Variants in MANEA observed in about 807,000 individuals in gnomAD.
The protein encoded by MANEA is glycoprotein endo-alpha-1,2-mannosidase.
Under a neutral mutation model 36.8 loss-of-function variants are expected in MANEA, and 25 were observed. That is an observed-to-expected ratio of 0.68 (90% confidence interval 0.50 to 0.95). The LOEUF is 0.95. Among genes scored for constraint, MANEA ranks in the 40% least tolerant of loss-of-function variants. The pLI is 0.00. For missense variants in MANEA, 565 were observed against 558.8 expected, an observed-to-expected ratio of 1.01 and a Z score of -0.11; for synonymous variants, 198 against 188.5, an observed-to-expected ratio of 1.05 and a Z score of -0.41.
rs746149549 is a variant in MANEA at position 95,604,872 on chromosome 6, A to G, written c.700A>G (p.Met234Val). The change falls in exon 4 of 5, where the codon ATG becomes GTG. Residue 234 changes from methionine (M) to valine (V), a missense_variant. By Grantham distance (21) the Met-to-Val change is conservative. Coordinates refer to ENST00000358812, the MANE Select transcript of MANEA (RefSeq NM_024641.4). ...ATATAGCAATCGAGATGATCAAAAC[A>G]TGTACAAAAATGTCAAGTATATTAT... is the stretch of plus-strand genomic sequence containing the variant. Reference protein sequence around the residue: ...EPYSNRDDQNMYKNVKYIIDK... With the variant: ...EPYSNRDDQNVYKNVKYIIDK... 6.8e-7 allele frequency: 1 copy of G among 1,473,060 alleles called. No individual in the cohort carries two copies. Among genetic ancestry groups the G allele is most frequent in the Non-Finnish European group, 9.2e-7 (1 of 1,087,610 alleles). 91.2% of individuals were successfully genotyped at this position (1,473,060 alleles called of 1,614,324 possible).
At chr6:95,604,945 G>A (rs1769671459) in intron 4 of MANEA, 42 bp downstream of exon 4, 1 of 701,682 alleles carries the variant, frequency 1.4e-6, no homozygotes, top group Non-Finnish European at 2.2e-6. Flanking sequence ...ATATTATCCA[G>A]TGATAATTAT....
At chr6:95,601,042 A>G (rs1385518183) in intron 3 of MANEA, among the ~76,000 whole-genome samples, 1 of 152,188 alleles carries the variant, frequency 6.6e-6, no homozygotes, top group East Asian at 1.9e-4. Context: ...AAATGTGACT[A>G]GGTTTTTTTT....
chr6:95,583,375 T>C (rs941370942), intron 1 of MANEA, among the ~76,000 whole-genome samples: 1 of 152,088 alleles, frequency 6.6e-6, no homozygotes, highest in Non-Finnish European at 1.5e-5. Flanking sequence ...CATGTATCCA[T>C]ATATAACATA....
At chr6:95,585,110 G>A (rs951259532) in intron 1 of MANEA, among the ~76,000 whole-genome samples, 1 of 148,312 alleles carries the variant, frequency 6.7e-6, no homozygotes, top group Non-Finnish European at 1.5e-5. Context: ...TTCATATGGT[G>A]TATATGTACC....
chr6:95,602,433 G>A (rs1769611009), intron 3 of MANEA, among the ~76,000 whole-genome samples: 1 of 152,080 alleles, frequency 6.6e-6, no homozygotes, highest in African/African-American at 2.4e-5. Flanking sequence ...AGGGGTGAAG[G>A]TAGAGAATAG....
chr6:95,589,563 A>G (rs1321703839), intron 2 of MANEA, among the ~76,000 whole-genome samples: 3 of 152,144 alleles, frequency 2.0e-5, no homozygotes, highest in Non-Finnish European at 4.4e-5. Flanking sequence ...TCCAATTATT[A>G]TATATAATGT....
At chr6:95,601,286 A>G (rs966253900) in intron 3 of MANEA, among the ~76,000 whole-genome samples, 2 of 152,192 alleles carry the variant, frequency 1.3e-5, no homozygotes, top group African/African-American at 4.8e-5. Context: ...TGAGTAAGAC[A>G]TGACAGAAAT....
intron 4 of MANEA, among the ~76,000 whole-genome samples, 163 bp from the exon 5 acceptor site, chr6:95,605,585 T>A (rs2127946061): frequency 6.6e-6 from 1 of 152,288 alleles, no homozygotes; most frequent in African/African-American, 2.4e-5. Flanking sequence ...TGTGTAAAAT[T>A]AAAAATGCAT....
At chr6:95,604,398 A>G (rs950063921) in intron 3 of MANEA, among the ~76,000 whole-genome samples, 4 of 151,934 alleles carry the variant, frequency 2.6e-5, no homozygotes, top group Non-Finnish European at 4.4e-5. Context: ...TTTCCTATAT[A>G]TATTATATGG....
intron 4 of MANEA, 42 bp downstream of exon 4, chr6:95,604,945 G>C: frequency 5.7e-6 from 4 of 701,676 alleles, no homozygotes; most frequent in Non-Finnish European, 9.0e-6. Flanking sequence ...ATATTATCCA[G>C]TGATAATTAT....
chr6:95,596,955 A>G, intron 3 of MANEA, 109 bp downstream of exon 3: 1 of 498,294 alleles, frequency 2.0e-6, no homozygotes, highest in Middle Eastern at 5.4e-4. Flanking sequence ...AATGACTTAG[A>G]ATCTTTTAAA....
chr6:95,578,269 T>C (rs1367541492), intron 1 of MANEA, among the ~76,000 whole-genome samples: 1 of 149,302 alleles, frequency 6.7e-6, no homozygotes, highest in Non-Finnish European at 1.5e-5. Flanking sequence ...ATTAGTGTTT[T>C]TGTTGTTCCT....
At chr6:95,584,063 T>C (rs1490393040) in intron 1 of MANEA, among the ~76,000 whole-genome samples, 1 of 152,184 alleles carries the variant, frequency 6.6e-6, no homozygotes, top group Non-Finnish European at 1.5e-5. Flanking sequence ...CTTATGCCTG[T>C]CTTACTTTAA....
intron 3 of MANEA, among the ~76,000 whole-genome samples, chr6:95,603,780 A>C (rs992611580): frequency 1.3e-5 from 2 of 152,048 alleles, no homozygotes; most frequent in Non-Finnish European, 2.9e-5. Context: ...TAAGTCAGTA[A>C]AACTAGGAAT....
intron 2 of MANEA, chr6:95,589,991 T>G (rs1769358991): frequency 6.6e-6 from 1 of 152,108 alleles, no homozygotes; most frequent in South Asian, 2.1e-4. Flanking sequence ...CCTGTTGCTA[T>G]CTTTGAAGAT....
At chr6:95,594,380 C>T (rs1769447382) in intron 2 of MANEA, among the ~76,000 whole-genome samples, 1 of 152,164 alleles carries the variant, frequency 6.6e-6, no homozygotes, top group South Asian at 2.1e-4. Flanking sequence ...TTCTACTATA[C>T]TGCCCTGCCT....
chr6:95,582,113 CAATGATT>C (rs1769194334), intron 1 of MANEA, among the ~76,000 whole-genome samples: 2 of 24,150 alleles, frequency 8.3e-5, no homozygotes, highest in Admixed American at 3.2e-4. Context: ...GTTGTGATGT[CAATGATT>C]TGAAAATTTC....
chr6:95,596,945 A>G, intron 3 of MANEA, 99 bp downstream of exon 3: 2 of 533,014 alleles, frequency 3.8e-6, no homozygotes, highest in Non-Finnish European at 6.6e-6. Context: ...TAAAAATGAT[A>G]ATGACTTAGA....
chr6:95,607,301 T>A lies in MANEA; in HGVS notation c.*896T>A, dbSNP rs1346690622. On this transcript the variant is annotated 3_prime_UTR_variant, in exon 5 of 5. Transcript: ENST00000358812. Reference sequence around the variant, plus strand: ...ATTTTTAGTATATCTTGTCGATCTTTAAGTTGTTACTATTGTGTTATTCAT... The same window carrying A: ...ATTTTTAGTATATCTTGTCGATCTTAAAGTTGTTACTATTGTGTTATTCAT... 1.3e-5 allele frequency: 2 copies of A among 152,132 alleles called. No homozygotes were observed. Among genetic ancestry groups the A allele is most frequent in the African/African-American group, 4.8e-5 (2 of 41,460 alleles). 9.4% of individuals were successfully genotyped at this position (152,132 alleles called of 1,614,324 possible). A position where few individuals can be genotyped will look rare whatever the true frequency, so the allele number is the denominator to read the frequency against.
Sources: gnomAD v4.1 joint callset for allele counts (sites outside exome capture counted in the v4.1 genomes callset) on GRCh38, gnomAD v4.1.1 for gene constraint, MANE v1.5 for transcripts, NCBI Gene and HGNC (gene_info 2026-07-23, HGNC 2026-07-21) for gene names.